Variants in UMAD1 observed in about 807,000 individuals in gnomAD.
UMAD1 encodes the protein UBAP1-MVB12-associated (UMA) domain containing 1, also known as UBAP1-MVB12-associated (UMA)-domain containing protein 1.
UMAD1 carries 8 observed loss-of-function variants against 6.1 expected under a neutral mutation model. The observed-to-expected ratio is 1.30, with a 90% CI of 0.76 to 2.35. The LOEUF is 2.35. Ranked by LOEUF, UMAD1 falls within the 30% of genes most tolerant of loss-of-function variation. UMAD1 has a pLI of 0.00. For missense variants in UMAD1, 130 were observed against 78.4 expected (o/e 1.66, Z -2.49); for synonymous variants, 56 against 31.4 (o/e 1.78, Z -2.61).
At chr7:7,687,173 A>G (rs1421479352) in intron 2 of UMAD1, 3 of 152,128 alleles carry the variant, frequency 2.0e-5, no homozygotes, top group South Asian at 4.1e-4. Flanking sequence ...TAGTATTTGG[A>G]TTCTATTTAA....
intron 2 of UMAD1, among the ~76,000 whole-genome samples, chr7:7,734,329 G>C (rs1781308870): frequency 6.6e-6 from 1 of 151,934 alleles, no homozygotes; most frequent in African/African-American, 2.4e-5. Flanking sequence ...AAATTCTTTG[G>C]TTCCTGTGCC....
intron 2 of UMAD1, chr7:7,742,228 C>T: frequency 1.5e-6 from 1 of 680,960 alleles, no homozygotes; most frequent in Non-Finnish European, 2.8e-6. Context: ...CCTGTTTGAT[C>T]TGGTGCTTGT....
At chr7:7,670,199 G>T (rs1779571471) in intron 1 of UMAD1, among the ~76,000 whole-genome samples, 1 of 152,168 alleles carries the variant, frequency 6.6e-6, no homozygotes, top group Non-Finnish European at 1.5e-5. Flanking sequence ...TTTTGGGGTT[G>T]GAGAATGACT....
intron 2 of UMAD1, among the ~76,000 whole-genome samples, chr7:7,783,837 T>A (rs1782401369): frequency 6.6e-6 from 1 of 152,150 alleles, no homozygotes; most frequent in Admixed American, 6.5e-5. Flanking sequence ...TATAAAATGA[T>A]CAGTATACTG....
chr7:7,775,524 T>C (rs936042916), intron 2 of UMAD1, among the ~76,000 whole-genome samples: 2 of 152,200 alleles, frequency 1.3e-5, no homozygotes, highest in African/African-American at 4.8e-5. Flanking sequence ...TCCCCAGCCA[T>C]GCAGAACTGT....
intron 3 of UMAD1, among the ~76,000 whole-genome samples, chr7:7,809,728 T>C (rs1276541212): frequency 2.0e-5 from 3 of 152,038 alleles, no homozygotes; most frequent in African/African-American, 7.2e-5. Context: ...AGCCTAAAAT[T>C]TGATTTTCTG....
chr7:7,867,035 C>T (rs565645155), intron 3 of UMAD1, among the ~76,000 whole-genome samples: 6 of 152,130 alleles, frequency 3.9e-5, no homozygotes, highest in Non-Finnish European at 7.4e-5. Context: ...GGGAGGGAAA[C>T]GTCAAAGATG....
rs559809451 is a variant in UMAD1 at position 7,679,724 on chromosome 7, A to T, written c.82+6271A>T. 2.1e-4 allele frequency among the ~76,000 whole-genome samples: 30 copies of T among 142,618 alleles called. No individual in the cohort carries two copies. In the South Asian group the frequency reaches 6.2e-3, roughly 30 times the overall value. 93.6% of individuals were successfully genotyped at this position (142,618 alleles called of 152,430 possible). A position where few individuals can be genotyped will look rare whatever the true frequency, so the allele number is the denominator to read the frequency against. ...AATTTATAGATAAATATATATATAT[A>T]TATATATACACACACACATATTAAG... On this transcript the variant is annotated intron_variant, in intron 2 of 3. Transcript: ENST00000682710.
intron 2 of UMAD1, among the ~76,000 whole-genome samples, chr7:7,689,772 C>T (rs1452913021): frequency 6.6e-6 from 1 of 152,072 alleles, no homozygotes; most frequent in Non-Finnish European, 1.5e-5. Flanking sequence ...TTGTCAGAGT[C>T]ATAAGTAAAC....
intron 2 of UMAD1, among the ~76,000 whole-genome samples, chr7:7,798,886 A>G (rs1183504909): frequency 6.6e-6 from 1 of 152,218 alleles, no homozygotes; most frequent in Non-Finnish European, 1.5e-5. Context: ...TGCTTGCCCA[A>G]CAGTAATCAA....
intron 3 of UMAD1, among the ~76,000 whole-genome samples, chr7:7,822,419 C>G (rs1012152480): frequency 2.0e-5 from 3 of 151,470 alleles, no homozygotes; most frequent in Non-Finnish European, 4.4e-5. Flanking sequence ...GTTTTTCATG[C>G]CTTTCATCTT....
At chr7:7,775,275 C>G (rs1430742791) in intron 2 of UMAD1, among the ~76,000 whole-genome samples, 1 of 152,206 alleles carries the variant, frequency 6.6e-6, no homozygotes, top group Non-Finnish European at 1.5e-5. Context: ...GGCTGTGTCT[C>G]TACCCAAATC....
At chr7:7,692,173 T>C (rs2115138294) in intron 2 of UMAD1, among the ~76,000 whole-genome samples, 1 of 152,182 alleles carries the variant, frequency 6.6e-6, no homozygotes, top group Admixed American at 6.5e-5. Context: ...TCCCTTACTC[T>C]GGAAAGCAGC....
intron 2 of UMAD1, among the ~76,000 whole-genome samples, chr7:7,705,637 A>G (rs1780579721): frequency 6.6e-6 from 1 of 152,216 alleles, no homozygotes; most frequent in Non-Finnish European, 1.5e-5. Context: ...AAACAGTCGA[A>G]CTTATTTATA....
At chr7:7,649,158 C>CAAAAAAA (rs34943326) in intron 1 of UMAD1, among the ~76,000 whole-genome samples, 102 of 128,766 alleles carry the variant, frequency 7.9e-4, no homozygotes, top group East Asian at 1.1e-3. Context: ...GACTCCATCT[C>CAAAAAAA]AAAAAAAAAA....
chr7:7,684,810 C>T (rs1177451315), intron 2 of UMAD1, among the ~76,000 whole-genome samples: 1 of 152,200 alleles, frequency 6.6e-6, no homozygotes, highest in Admixed American at 6.5e-5. Context: ...ATCAGACTAA[C>T]GCATTCAAGC....
intron 2 of UMAD1, among the ~76,000 whole-genome samples, chr7:7,725,834 T>C (rs1781128924): frequency 1.3e-5 from 2 of 152,154 alleles, no homozygotes; most frequent in African/African-American, 4.8e-5. Context: ...CTATGATCAG[T>C]TGACGTAGGA....
intron 2 of UMAD1, among the ~76,000 whole-genome samples, chr7:7,682,497 G>A (rs28915979): frequency 0.017 from 2,601 of 152,178 alleles, 33 homozygotes; most frequent in Non-Finnish European, 0.028. Context: ...TTATTTAAAA[G>A]TGGAAATTTA....
intron 3 of UMAD1, among the ~76,000 whole-genome samples, chr7:7,871,233 C>T (rs977638338): frequency 2.0e-5 from 3 of 152,140 alleles, no homozygotes; most frequent in African/African-American, 7.2e-5. Flanking sequence ...ATATTAGCAT[C>T]TTTTTTCTTC....
Sources: gnomAD v4.1 joint callset for allele counts (sites outside exome capture counted in the v4.1 genomes callset) on GRCh38, gnomAD v4.1.1 for gene constraint, MANE v1.5 for transcripts, NCBI Gene and HGNC (gene_info 2026-07-23, HGNC 2026-07-21) for gene names.